The following LIN28B variants were observed in gnomAD, a reference collection of about 807,000 sequenced individuals.
The protein encoded by LIN28B is lin-28 RNA binding posttranscriptional regulator B.
A neutral mutation model predicts 21.9 loss-of-function variants in LIN28B; 5 were observed. That is an observed-to-expected ratio of 0.23 (90% CI 0.12 to 0.48). The LOEUF is 0.48. Ranked by LOEUF, LIN28B falls within the 20% of genes least tolerant of loss-of-function variation. LIN28B has a pLI of 0.98. For synonymous variants in LIN28B, 109 were observed against 111.3 expected (o/e 0.98, Z 0.13); for missense variants, 245 against 310.5 (o/e 0.79, Z 1.58).
At chr6:104,987,345 A>T (rs1770368563) in intron 2 of LIN28B, among the ~76,000 whole-genome samples, 1 of 152,002 alleles carries the variant, frequency 6.6e-6, no homozygotes, top group Admixed American at 6.5e-5. Context: ...ATTGATTCAC[A>T]TGGTTTTTGC....
intron 2 of LIN28B, among the ~76,000 whole-genome samples, chr6:104,992,509 TGTGTG>T (rs1562084918): frequency 4.0e-4 from 45 of 112,682 alleles, no homozygotes; most frequent in African/African-American, 1.3e-3. Flanking sequence ...TGTGTGTGTG[TGTGTG>T]TTTTTTTTTT....
At chr6:104,952,480 A>T (rs1264246609), upstream of LIN28B, among the ~76,000 whole-genome samples, 1 of 152,210 alleles carries the variant, frequency 6.6e-6, no homozygotes, top group Admixed American at 6.5e-5. Context: ...TGTTAATGTA[A>T]TAGGATTTTT....
At chr6:105,056,941 T>C (rs1274418274) in intron 3 of LIN28B, among the ~76,000 whole-genome samples, 1 of 152,224 alleles carries the variant, frequency 6.6e-6, no homozygotes, top group Non-Finnish European at 1.5e-5. Flanking sequence ...AGTTTTTTAC[T>C]ACTTATTGTC....
intron 3 of LIN28B, among the ~76,000 whole-genome samples, chr6:105,071,023 C>T (rs573828402): frequency 3.3e-5 from 5 of 152,042 alleles, no homozygotes; most frequent in Non-Finnish European, 5.9e-5. Flanking sequence ...ATTATAGGCA[C>T]GCACTACCAT....
At chr6:105,024,707 A>T (rs150925074) in intron 2 of LIN28B, among the ~76,000 whole-genome samples, 1 of 152,174 alleles carries the variant, frequency 6.6e-6, no homozygotes, top group Non-Finnish European at 1.5e-5. Context: ...CCCTGTTTTC[A>T]TGGGCTGTCT....
chr6:105,077,925 C>T (rs1288110098), intron 3 of LIN28B, among the ~76,000 whole-genome samples: 1 of 152,120 alleles, frequency 6.6e-6, no homozygotes, highest in Non-Finnish European at 1.5e-5. Context: ...AATTAACATT[C>T]AAAGAAGTGT....
intron 2 of LIN28B, among the ~76,000 whole-genome samples, chr6:104,982,415 A>T (rs1317111821): frequency 6.6e-6 from 1 of 152,246 alleles, no homozygotes; most frequent in African/African-American, 2.4e-5. Flanking sequence ...TTTACAAATA[A>T]ATAGTTGTGT....
chr6:105,041,621 A>G (rs1221391761), intron 3 of LIN28B, among the ~76,000 whole-genome samples: 1 of 152,134 alleles, frequency 6.6e-6, no homozygotes, highest in Non-Finnish European at 1.5e-5. Context: ...GTTGTTGTTT[A>G]TCATCTGACT....
intron 2 of LIN28B, among the ~76,000 whole-genome samples, chr6:105,020,414 T>C (rs1562095054): frequency 6.6e-6 from 1 of 152,034 alleles, no homozygotes; most frequent in Non-Finnish European, 1.5e-5. Flanking sequence ...AAGTGCAGTA[T>C]TGAGACCTCA....
intron 3 of LIN28B, among the ~76,000 whole-genome samples, chr6:105,055,618 A>C (rs1024795553): frequency 6.6e-6 from 1 of 152,118 alleles, no homozygotes; most frequent in Admixed American, 6.6e-5. Context: ...AGTTTGTGCT[A>C]TTTCCTTATA....
At chr6:104,980,607 G>T (rs1478251604) in intron 2 of LIN28B, among the ~76,000 whole-genome samples, 1 of 152,096 alleles carries the variant, frequency 6.6e-6, no homozygotes, top group Non-Finnish European at 1.5e-5. Flanking sequence ...ATTTAAAACT[G>T]ATGTTAAAGG....
intron 3 of LIN28B, among the ~76,000 whole-genome samples, chr6:105,039,353 T>A (rs933054771): frequency 1.3e-5 from 2 of 152,168 alleles, no homozygotes; most frequent in East Asian, 3.9e-4. Flanking sequence ...TGTCTGTAAA[T>A]GAGAATTTTT....
intron 2 of LIN28B, among the ~76,000 whole-genome samples, chr6:105,000,238 A>G (rs565419185): frequency 1.7e-4 from 26 of 152,276 alleles, no homozygotes; most frequent in Middle Eastern, 6.8e-3. Flanking sequence ...AGAAGGAGCC[A>G]TGTTTAAAAA....
chr6:104,961,911 A>G (rs2114574058), intron 2 of LIN28B, among the ~76,000 whole-genome samples: 1 of 152,334 alleles, frequency 6.6e-6, no homozygotes, highest in South Asian at 2.1e-4. Context: ...GGTACTTTAG[A>G]GGAATAGAAT....
chr6:104,941,436 T>G (rs961041666), intron 2 of LIN28B: 1 of 137,884 alleles, frequency 7.3e-6, no homozygotes, highest in African/African-American at 2.5e-5. Flanking sequence ...CAAAGCCGGC[T>G]TGGAGCGGGA....
At chr6:104,971,843 A>G (rs1358453496) in intron 2 of LIN28B, among the ~76,000 whole-genome samples, 2 of 152,188 alleles carry the variant, frequency 1.3e-5, no homozygotes, top group Non-Finnish European at 2.9e-5. Context: ...TTTCAAATCC[A>G]TGATCCTCCC....
rs564204486 is a variant in LIN28B at position 105,068,882 on chromosome 6, CTTA to C, written c.384-9527_384-9525del. On this transcript the variant is annotated intron_variant, in intron 3 of 3. Transcript: ENST00000345080. ...AATCATTTTTATAAAAAGCAGAGAT[CTTA>C]TTATATTTATACTGACAAGAAAGTA... 1.4e-3 allele frequency among the ~76,000 whole-genome samples: 211 copies of C among 152,242 alleles called. 1 individual carries two copies. Among genetic ancestry groups the C allele is most frequent in the African/African-American group, 5.0e-3 (207 of 41,550 alleles).
chr6:105,055,139 G>C (rs888356261), intron 3 of LIN28B, among the ~76,000 whole-genome samples: 1 of 151,970 alleles, frequency 6.6e-6, no homozygotes, highest in African/African-American at 2.4e-5. Flanking sequence ...GGATTTATTT[G>C]TATTTATTGT....
chr6:104,988,429 G>T (rs953776770), intron 2 of LIN28B, among the ~76,000 whole-genome samples: 3 of 150,404 alleles, frequency 2.0e-5, no homozygotes, highest in South Asian at 2.1e-4. Flanking sequence ...GTTTTTGAAA[G>T]ATTTGTATTT....
Sources: gnomAD v4.1 joint callset for allele counts (sites outside exome capture counted in the v4.1 genomes callset) on GRCh38, gnomAD v4.1.1 for gene constraint, MANE v1.5 for transcripts, NCBI Gene and HGNC (gene_info 2026-07-23, HGNC 2026-07-21) for gene names.